The following KIRREL3 variants were observed in gnomAD, a reference collection of about 807,000 sequenced individuals.
The protein encoded by KIRREL3 is kirre like nephrin family adhesion molecule 3.
A neutral mutation model predicts 89.7 loss-of-function variants in KIRREL3; 36 were observed. The ratio of observed to expected loss-of-function variants is 0.40; its 90% CI spans 0.31 to 0.53. KIRREL3 has a LOEUF of 0.53. Ranked by LOEUF, KIRREL3 falls within the 20% of genes least tolerant of loss-of-function variation. KIRREL3 has a pLI of 0.49. For synonymous variants in KIRREL3, 445 were observed against 441.4 expected (o/e 1.01, Z -0.10); for missense variants, 864 against 1,056.6 (o/e 0.82, Z 2.53).
chr11:126,616,801 T>C (rs4937161), intron 1 of KIRREL3, among the ~76,000 whole-genome samples: 17,994 of 152,166 alleles, frequency 0.12, 1,233 homozygotes, highest in East Asian at 0.32. Context: ...ACCACTGTGA[T>C]TGGCTATTTT....
intron 1 of KIRREL3, among the ~76,000 whole-genome samples, chr11:126,679,196 G>C (rs1946341141): frequency 6.6e-6 from 1 of 152,192 alleles, no homozygotes; most frequent in Non-Finnish European, 1.5e-5. Context: ...ATGGATGGTG[G>C]AGAATCACCA....
At chr11:126,450,969 G>A (rs528957471) in intron 7 of KIRREL3, among the ~76,000 whole-genome samples, 86 of 151,410 alleles carry the variant, frequency 5.7e-4, no homozygotes, top group Non-Finnish European at 1.1e-3. Flanking sequence ...GCGTGTGCAT[G>A]CATGGGTGTG....
At position 126,647,726 on chromosome 11, in the gene KIRREL3, A is replaced by G. The variant is rs1944746380; in HGVS notation, c.56-84814T>C. On this transcript the variant is annotated intron_variant, in intron 1 of 16. Transcript: ENST00000525144. The surrounding 1 kb of genome is among the most constrained non-coding windows in gnomAD (Gnocchi z 4.9). ...CCTCCTAATTGGTCTCGCAGCTTCCATCCTTGTCTTCTGCTGTCTAGTTTC... is the reference window on the plus strand; with the variant it reads ...CCTCCTAATTGGTCTCGCAGCTTCCGTCCTTGTCTTCTGCTGTCTAGTTTC... 6.6e-6 allele frequency among the ~76,000 whole-genome samples: 1 copy of G among 152,118 alleles called. No individual in the cohort carries two copies. Among genetic ancestry groups the G allele is most frequent in the Admixed American group, 6.5e-5 (1 of 15,288 alleles).
At chr11:126,972,167 G>GGAGAGAGAGAGAGAGAGAGAGAGAGA in intron 1 of KIRREL3, among the ~76,000 whole-genome samples, 1 of 23,194 alleles carries the variant, frequency 4.3e-5, no homozygotes, top group Non-Finnish European at 1.0e-4. Flanking sequence ...AGAGGGTCTG[G>GGAGAGAGAGAGAGAGAGAGAGAGAGA]TAGAGAGAGA....
Position 127,000,565 on chromosome 11 carries a change from T to C in KIRREL3, c.-56A>G. On this transcript the variant is annotated 5_prime_UTR_variant, in exon 1 of 17. Transcript: ENST00000525144. The surrounding 1 kb of genome is among the most constrained non-coding windows in gnomAD (Gnocchi z 7.1). The stretch of plus-strand genomic sequence containing the variant: ...GTAACTTGGCTGTGGTTAGTTTCTC[T>C]TCCTTGGCGGCTCTCGGTGCTCAGC... 6.4e-7 allele frequency: 1 copy of C among 1,554,596 alleles called. No homozygotes were observed. The highest frequency in any genetic ancestry group is 1.2e-5 in the South Asian group (1 of 84,322).
Position 126,860,343 on chromosome 11 carries a change from G to A in KIRREL3, c.55+140112C>T, listed in dbSNP as rs1029914655. On this transcript the variant is annotated intron_variant, in intron 1 of 16. Coordinates refer to ENST00000525144, the MANE Select transcript of KIRREL3 (RefSeq NM_032531.4). This position sits in a 1 kb window ranked among gnomAD's most constrained non-coding sequence, Gnocchi z 4.6. ...AAAGGCGTGGGCAATGGGTCTGGGA[G>A]CACAGAGAAGGTTGCCTTTATTTAT... 6.6e-6 allele frequency among the ~76,000 whole-genome samples: 1 copy of A among 152,194 alleles called. No homozygotes were observed. Among genetic ancestry groups the A allele is most frequent in the Non-Finnish European group, 1.5e-5 (1 of 68,048 alleles).
At position 126,474,016 on chromosome 11, in the gene KIRREL3, C is replaced by T. The variant is rs1165292399; in HGVS notation, c.434-550G>A. ...TTGGGGTTTCAACATGTTGGCCAGG[C>T]TGGTCTTGAACTCCTGACCTCAGGT... On this transcript the variant is annotated intron_variant, in intron 4 of 16. Coordinates refer to ENST00000525144, the MANE Select transcript of KIRREL3 (RefSeq NM_032531.4). The surrounding 1 kb of genome is among the most constrained non-coding windows in gnomAD (Gnocchi z 6.7). Among the ~76,000 whole-genome samples, 1 of 151,440 alleles carries T rather than the reference C, an allele frequency of 6.6e-6. No individual in the cohort carries two copies.
At chr11:126,598,129 G>C (rs1407821032) in intron 1 of KIRREL3, among the ~76,000 whole-genome samples, 2 of 152,252 alleles carry the variant, frequency 1.3e-5, no homozygotes, top group Non-Finnish European at 2.9e-5. Context: ...TCTGAAGAGC[G>C]GGACTTTCTG....
chr11:126,970,919 G>A lies in KIRREL3; in HGVS notation c.55+29536C>T, dbSNP rs898672734. On this transcript the variant is annotated intron_variant, in intron 1 of 16. Transcript: ENST00000525144. The surrounding 1 kb of genome is among the most constrained non-coding windows in gnomAD (Gnocchi z 4.4). ...AGAACCACAAACAGAAGCACATGGC[G>A]GTGCTATGGCTTCTCCCCCACCCAC... Among the ~76,000 whole-genome samples the A allele has an allele frequency of 1.2e-4, 18 of 152,274 alleles. No individual in the cohort carries two copies. The highest frequency in any genetic ancestry group is 3.6e-4 in the African/African-American group (15 of 41,556).
chr11:126,879,079 C>T lies in KIRREL3; in HGVS notation c.55+121376G>A, dbSNP rs113060282. 0.014 allele frequency among the ~76,000 whole-genome samples: 2,063 copies of T among 152,290 alleles called. 47 individuals carry two copies. Among genetic ancestry groups the T allele is most frequent in the African/African-American group, 0.047 (1,944 of 41,550 alleles). On this transcript the variant is annotated intron_variant, in intron 1 of 16. Transcript: ENST00000525144. This position sits in a 1 kb window ranked among gnomAD's most constrained non-coding sequence, Gnocchi z 5.4. ...ACAGGGCATTACTCTGCAGGCCAAC[C>T]GGCAATTACAATGGCATCTTTCTTC...
Position 126,812,420 on chromosome 11 carries a change from T to C in KIRREL3, c.55+188035A>G, listed in dbSNP as rs931273167. Reference sequence around the variant, plus strand: ...TTCAGTGACAGCACTTCTTGAACTCTGACACCACTCCACAATTAATATTGT... The same window carrying C: ...TTCAGTGACAGCACTTCTTGAACTCCGACACCACTCCACAATTAATATTGT... On this transcript the variant is annotated intron_variant, in intron 1 of 16. Coordinates refer to ENST00000525144, the MANE Select transcript of KIRREL3 (RefSeq NM_032531.4). The surrounding 1 kb of genome is among the most constrained non-coding windows in gnomAD (Gnocchi z 5.2). 1.3e-5 allele frequency among the ~76,000 whole-genome samples: 2 copies of C among 152,186 alleles called. No homozygotes were observed. Among genetic ancestry groups the C allele is most frequent in the African/African-American group, 2.4e-5 (1 of 41,448 alleles).
rs1044885654 is a variant in KIRREL3 at position 126,475,319 on chromosome 11, C to T, written c.434-1853G>A. 1.3e-5 allele frequency among the ~76,000 whole-genome samples: 2 copies of T among 152,160 alleles called. No homozygotes were observed. The highest frequency in any genetic ancestry group is 1.5e-5 in the Non-Finnish European group (1 of 68,018). ...AACTTCCCTCCCCTTCTCAGGGGAT[C>T]GCCCCGTCAGCCCTTCTCCTAGTCC... On this transcript the variant is annotated intron_variant, in intron 4 of 16. Transcript: ENST00000525144. This position sits in a 1 kb window ranked among gnomAD's most constrained non-coding sequence, Gnocchi z 7.5.
rs114203167 is a variant in KIRREL3 at position 126,539,664 on chromosome 11, C to T, written c.134-12977G>A. On this transcript the variant is annotated intron_variant, in intron 2 of 16. Transcript: ENST00000525144. ...GCCATTTGCTGCTCAGGAGGAGAAGCGCGCTTGAGGTGAGGCAGTGAGTTC... is the reference window on the plus strand; with the variant it reads ...GCCATTTGCTGCTCAGGAGGAGAAGTGCGCTTGAGGTGAGGCAGTGAGTTC... 5.8e-3 allele frequency among the ~76,000 whole-genome samples: 889 copies of T among 152,184 alleles called. 4 individuals are homozygous for T. The highest frequency in any genetic ancestry group is 0.021 in the African/African-American group (860 of 41,536).
intron 1 of KIRREL3, among the ~76,000 whole-genome samples, chr11:126,751,610 C>T (rs1417109668): frequency 6.6e-6 from 1 of 151,546 alleles, no homozygotes; most frequent in South Asian, 2.1e-4. Flanking sequence ...AAAGGCTGCA[C>T]AAGTAATCAT....
chr11:126,890,762 G>A lies in KIRREL3; in HGVS notation c.55+109693C>T, dbSNP rs192327769. On this transcript the variant is annotated intron_variant, in intron 1 of 16. Coordinates refer to ENST00000525144, the MANE Select transcript of KIRREL3 (RefSeq NM_032531.4). The surrounding 1 kb of genome is among the most constrained non-coding windows in gnomAD (Gnocchi z 5.1). Reference sequence around the variant, plus strand: ...AGAGTAGACGACTGCAAACATGAGCGTCCCCCAGTCCCAGCACCACAGCGG... The same window carrying A: ...AGAGTAGACGACTGCAAACATGAGCATCCCCCAGTCCCAGCACCACAGCGG... Among the ~76,000 whole-genome samples, 30 of 152,310 alleles carry A rather than the reference G, an allele frequency of 2.0e-4. No individual in the cohort carries two copies. In the East Asian group the frequency reaches 5.2e-3, roughly 26 times the overall value.
At position 126,544,372 on chromosome 11, in the gene KIRREL3, G is replaced by A. The variant is rs955665291; in HGVS notation, c.134-17685C>T. On this transcript the variant is annotated intron_variant, in intron 2 of 16. Transcript: ENST00000525144. This position sits in a 1 kb window ranked among gnomAD's most constrained non-coding sequence, Gnocchi z 5.6. ...GGGCAGGAGGGATTCTGAATGGGAG[G>A]TATTGTAACCCCTTGAATCAAACTT... 6.6e-6 allele frequency: 1 copy of A among 152,204 alleles called. No individual in the cohort carries two copies. The highest frequency in any genetic ancestry group is 6.5e-5 in the Admixed American group (1 of 15,280). The allele number at this position is 152,204 out of a possible 1,614,324, so 9.4% of individuals were successfully genotyped here.
In KIRREL3 at chr11:126,561,698, C is replaced by T. The variant is rs928693427; in HGVS notation, c.133+1137G>A. Reference sequence around the variant, plus strand: ...GGAAGTAGCTTTTTGATGCTGTTGGCTTCAGGCAGGCAGCAAATGGGGGAG... The same window carrying T: ...GGAAGTAGCTTTTTGATGCTGTTGGTTTCAGGCAGGCAGCAAATGGGGGAG... On this transcript the variant is annotated intron_variant, in intron 2 of 16. Coordinates refer to ENST00000525144, the MANE Select transcript of KIRREL3 (RefSeq NM_032531.4). The surrounding 1 kb of genome is among the most constrained non-coding windows in gnomAD (Gnocchi z 4.5). Among the ~76,000 whole-genome samples, 15 of 152,230 alleles carry T rather than the reference C, an allele frequency of 9.9e-5. No individual in the cohort carries two copies. The highest frequency in any genetic ancestry group is 1.0e-4 in the Non-Finnish European group (7 of 68,046).
At chr11:126,706,785 A>G (rs534982345) in intron 1 of KIRREL3, among the ~76,000 whole-genome samples, 10 of 151,880 alleles carry the variant, frequency 6.6e-5, no homozygotes, top group Non-Finnish European at 1.5e-4. Context: ...TCTTTTGCCC[A>G]TTTTTCTACT....
rs1958520329 is a variant in KIRREL3 at position 126,519,478 on chromosome 11, T to C, written c.433+1837A>G. Among the ~76,000 whole-genome samples the C allele has an allele frequency of 6.6e-6, 1 of 152,244 alleles. No individual in the cohort carries two copies. Among genetic ancestry groups the C allele is most frequent in the Non-Finnish European group, 1.5e-5 (1 of 68,044 alleles). On this transcript the variant is annotated intron_variant, in intron 4 of 16. Transcript: ENST00000525144. The surrounding 1 kb of genome is among the most constrained non-coding windows in gnomAD (Gnocchi z 4.3). ...TTTTAATACGTTGGACTTTTTTACGTAACGTAGAGTTGAGAGGAAAGGAAG... is the reference window on the plus strand; with the variant it reads ...TTTTAATACGTTGGACTTTTTTACGCAACGTAGAGTTGAGAGGAAAGGAAG...
Sources: gnomAD v4.1 joint callset for allele counts (sites outside exome capture counted in the v4.1 genomes callset) on GRCh38, gnomAD v4.1.1 for gene constraint, Gnocchi (gnomAD v3.1) non-coding constraint, MANE v1.5 for transcripts, NCBI Gene and HGNC (gene_info 2026-07-23, HGNC 2026-07-21) for gene names.